HSDL1: variants seen among roughly 807,000 people sequenced by gnomAD.
HSDL1 encodes the protein hydroxysteroid dehydrogenase like 1.
In HSDL1, 29 loss-of-function variants were observed where a neutral mutation model predicts 31.5. That is an observed-to-expected ratio of 0.92 (90% confidence interval 0.69 to 1.26). The LOEUF (loss-of-function observed/expected upper bound fraction) is 1.26, where lower values mean the gene tolerates loss of function less well. Ranked by LOEUF, HSDL1 falls within the 50% of genes most tolerant of loss-of-function variation. HSDL1 has a pLI of 0.00. For missense variants in HSDL1, 503 were observed against 416.6 expected, an observed-to-expected ratio of 1.21 and a Z score of -1.81; for synonymous variants, 222 against 155.2, an observed-to-expected ratio of 1.43 and a Z score of -3.20.
At chr16:84,131,959 G>A (rs1207467101) in intron 2 of HSDL1, among the ~76,000 whole-genome samples, 1 of 152,188 alleles carries the variant, frequency 6.6e-6, no homozygotes, top group South Asian at 2.1e-4. Context: ...GGGATTACAG[G>A]TGTGAGCCAC....
chr16:84,142,205 G>A (rs1473400110), intron 1 of HSDL1, among the ~76,000 whole-genome samples: 1 of 152,134 alleles, frequency 6.6e-6, no homozygotes, highest in African/African-American at 2.4e-5. Context: ...TGGGATTACA[G>A]GTGGGAGCCA....
At chr16:84,138,200 T>C (rs893387827) in intron 1 of HSDL1, among the ~76,000 whole-genome samples, 1 of 152,218 alleles carries the variant, frequency 6.6e-6, no homozygotes, top group African/African-American at 2.4e-5. Flanking sequence ...AAACCCATGA[T>C]GTGGAAAGCA....
intron 2 of HSDL1, among the ~76,000 whole-genome samples, chr16:84,132,257 C>A (rs2086676492): frequency 6.6e-6 from 1 of 152,204 alleles, no homozygotes; most frequent in South Asian, 2.1e-4. Flanking sequence ...GGAGGACCTA[C>A]TACCTGTGTA....
Position 84,129,968 on chromosome 16 carries a change from CAGTA to C in HSDL1, c.666+14_666+17del. On this transcript the variant is annotated intron_variant, in intron 4 of 5. Coordinates refer to ENST00000219439, the MANE Select transcript of HSDL1 (RefSeq NM_031463.5). ...TCTGTGGCATTAGGATTTCATCTTCCAGTAAGTAACATCTGACCTTAGAAGCAGA... is the reference window on the plus strand; with the variant it reads ...TCTGTGGCATTAGGATTTCATCTTCCAGTAACATCTGACCTTAGAAGCAGA... 7 of 1,601,388 alleles carry C rather than the reference CAGTA, an allele frequency of 4.4e-6. No homozygotes were observed. Among genetic ancestry groups the C allele is most frequent in the Non-Finnish European group, 5.1e-6 (6 of 1,172,832 alleles).
chr16:84,129,723 C>A lies in HSDL1; in HGVS notation c.719G>T (p.Gly240Val), dbSNP rs772608840. 1 of 1,614,156 alleles carries A rather than the reference C, an allele frequency of 6.2e-7. No individual in the cohort carries two copies. Among genetic ancestry groups the A allele is most frequent in the South Asian group, 1.1e-5 (1 of 91,078 alleles). Residue 240 changes from glycine to valine, a missense_variant, in exon 5 of 6, where the codon GGA becomes GTA. Gly to Val is a moderately radical substitution (Grantham distance 109). Coordinates refer to ENST00000219439, the MANE Select transcript of HSDL1 (RefSeq NM_031463.5). ...AGGGATTAGACTCTGTACAAAGATTCCTTTAGAGGCATATTCATATTGCAA... is the reference window on the plus strand; with the variant it reads ...AGGGATTAGACTCTGTACAAAGATTACTTTAGAGGCATATTCATATTGCAA... Reference protein sequence around the residue: ...RALQYEYASKGIFVQSLIPFY... With the variant: ...RALQYEYASKVIFVQSLIPFY...
chr16:84,134,791 T>G (rs556801668), intron 2 of HSDL1, among the ~76,000 whole-genome samples: 1 of 152,232 alleles, frequency 6.6e-6, no homozygotes, highest in South Asian at 2.1e-4. Flanking sequence ...ATTACCTGTA[T>G]GTACCAGGAC....
chr16:84,132,083 C>T (rs2086675210), intron 2 of HSDL1, among the ~76,000 whole-genome samples: 1 of 152,190 alleles, frequency 6.6e-6, no homozygotes, highest in Admixed American at 6.5e-5. Flanking sequence ...ACCAAATTCC[C>T]ACTAAAATTC....
At chr16:84,131,361 G>C (rs1422628232) in intron 2 of HSDL1, 34 bp from the exon 3 acceptor site, 1 of 1,412,434 alleles carries the variant, frequency 7.1e-7, no homozygotes, top group East Asian at 2.3e-5. Flanking sequence ...GAGCCTCTTT[G>C]ATTAATAAAT....
chr16:84,133,379 C>A (rs1423604444), intron 2 of HSDL1, among the ~76,000 whole-genome samples: 1 of 152,118 alleles, frequency 6.6e-6, no homozygotes, highest in African/African-American at 2.4e-5. Flanking sequence ...CATACTGGTA[C>A]CGTATTAAGT....
At chr16:84,129,471 T>C (rs1000962732) in intron 5 of HSDL1, 77 bp downstream of exon 5, 50 of 1,035,986 alleles carry the variant, frequency 4.8e-5, no homozygotes, top group Admixed American at 4.4e-4. Context: ...TCTTAGGCTT[T>C]AATCAGATTT....
intron 1 of HSDL1, 129 bp downstream of exon 1, chr16:84,144,950 CG>C: frequency 6.8e-6 from 1 of 147,984 alleles, no homozygotes; most frequent in Non-Finnish European, 1.5e-5. Flanking sequence ...GGAGGGGGCC[CG>C]GGGCCTGGGG....
intron 2 of HSDL1, 52 bp from the exon 3 acceptor site, chr16:84,131,379 A>G: frequency 7.8e-7 from 1 of 1,274,496 alleles, no homozygotes; most frequent in Admixed American, 1.7e-5. Context: ...AATTAAAGGA[A>G]CATACACAGT....
intron 2 of HSDL1, among the ~76,000 whole-genome samples, chr16:84,131,958 G>T (rs747143611): frequency 6.6e-6 from 1 of 152,216 alleles, no homozygotes; most frequent in Non-Finnish European, 1.5e-5. Flanking sequence ...TGGGATTACA[G>T]GTGTGAGCCA....
In HSDL1 at chr16:84,124,667, C is replaced by T. The variant is rs144412729; in HGVS notation, c.956G>A (p.Arg319His). The T allele has an allele frequency of 1.7e-5, 28 of 1,613,586 alleles. No homozygotes were observed. The highest frequency in any genetic ancestry group is 6.7e-5 in the East Asian group (3 of 44,882). ...LWVWGANILN[R>H]SLRKEALSCT... ...GGATAAGGCTTCCTTACGTAGTGAA[C>T]GGTTGAGAATATTTGCTCCCCACAC... is the stretch of plus-strand genomic sequence containing the variant. Residue 319 changes from arginine (R) to histidine (H), a missense_variant, in exon 6 of 6, where the codon CGT becomes CAT. By Grantham distance (29) the Arg-to-His change is conservative (BLOSUM62 0). Coordinates refer to ENST00000219439, the MANE Select transcript of HSDL1 (RefSeq NM_031463.5).
rs779226778 is a variant in HSDL1 at position 84,130,191 on chromosome 16, A to C, written c.461T>G (p.Val154Gly). 8 of 1,614,140 alleles carry C rather than the reference A, an allele frequency of 5.0e-6. No individual in the cohort carries two copies. Among genetic ancestry groups the C allele is most frequent in the Non-Finnish European group, 6.8e-6 (8 of 1,180,020 alleles). ...GAAATACTGCGGGTAGGGATAAAAC[A>C]CACCCACGTTATTTACCAAGATGCC... The part of the protein sequence containing the change: ...DVGILVNNVG[V>G]FYPYPQYFTQ... The change falls in exon 4 of 6, where the codon GTG (valine) becomes GGG (glycine). Residue 154 changes from valine to glycine, a missense_variant. Val to Gly is a moderately radical substitution (Grantham distance 109). Transcript: ENST00000219439.
At chr16:84,134,006 CAA>C (rs2086690484) in intron 2 of HSDL1, among the ~76,000 whole-genome samples, 1 of 152,174 alleles carries the variant, frequency 6.6e-6, no homozygotes, top group Non-Finnish European at 1.5e-5. Context: ...TCTAGTTCAA[CAA>C]AGTCTTTCTT....
chr16:84,137,759 T>C lies in HSDL1; in HGVS notation c.-68-2154A>G, dbSNP rs114062113. The stretch of plus-strand genomic sequence containing the variant: ...TTTTTCTCATGACAAAAGAAATCAG[T>C]ACTTTCCCCAGAGCCACCAAATTTC... On this transcript the variant is annotated intron_variant, in intron 1 of 5. Coordinates refer to ENST00000219439, the MANE Select transcript of HSDL1 (RefSeq NM_031463.5). 3.7e-3 allele frequency among the ~76,000 whole-genome samples: 570 copies of C among 152,354 alleles called. 5 individuals carry two copies. The highest frequency in any genetic ancestry group is 0.013 in the African/African-American group (547 of 41,582).
Position 84,131,317 on chromosome 16 carries a change from G to C in HSDL1, c.5C>G (p.Ala2Gly). 6.2e-7 allele frequency: 1 copy of C among 1,612,362 alleles called. No homozygotes were observed. Among genetic ancestry groups the C allele is most frequent in the Non-Finnish European group, 8.5e-7 (1 of 1,178,582 alleles). The stretch of plus-strand genomic sequence containing the variant: ...CAAGAGGTAGAAACTGTCAACAGCA[G>C]CCATGGCAACCTGCAGGGAGAGGGA... Reference protein sequence around the residue: MAAVDSFYLLYR... With the variant: MGAVDSFYLLYR... The change falls in exon 3 of 6, where the codon GCT (alanine) becomes GGT (glycine). Residue 2 changes from alanine to glycine, a missense_variant. Ala to Gly is a moderately conservative substitution (Grantham distance 60, BLOSUM62 0). Coordinates refer to ENST00000219439, the MANE Select transcript of HSDL1 (RefSeq NM_031463.5).
At chr16:84,127,069 G>A (rs536758514) in intron 5 of HSDL1, among the ~76,000 whole-genome samples, 1 of 152,150 alleles carries the variant, frequency 6.6e-6, no homozygotes, top group Admixed American at 6.6e-5. Context: ...AACATCTACT[G>A]CACCTAAACC....
Sources: gnomAD v4.1 joint callset for allele counts (sites outside exome capture counted in the v4.1 genomes callset) on GRCh38, gnomAD v4.1.1 for gene constraint, MANE v1.5 for transcripts, NCBI Gene and HGNC (gene_info 2026-07-23, HGNC 2026-07-21) for gene names.